The following STK39 variants were observed in gnomAD, a reference collection of about 807,000 sequenced individuals.
STK39 encodes the protein serine/threonine kinase 39.
Under a neutral mutation model 77.8 loss-of-function variants are expected in STK39, and 20 were observed. That is an observed-to-expected ratio of 0.26 (90% confidence interval 0.18 to 0.37). STK39 has a LOEUF of 0.37. STK39 is among the 10% of genes least tolerant of loss of function. STK39 has a pLI of 1.00. For synonymous variants in STK39, 246 were observed against 234.1 expected (o/e 1.05, Z -0.47); for missense variants, 479 against 656.5 (o/e 0.73, Z 2.95).
intron 2 of STK39, among the ~76,000 whole-genome samples, chr2:168,172,514 T>C (rs1688853797): frequency 6.6e-6 from 1 of 152,202 alleles, no homozygotes; most frequent in South Asian, 2.1e-4. Context: ...GAATAAGTTA[T>C]CTAAATAGAT....
At chr2:168,061,819 T>C (rs774052937) in intron 14 of STK39, among the ~76,000 whole-genome samples, 10 of 152,206 alleles carry the variant, frequency 6.6e-5, no homozygotes, top group Admixed American at 2.0e-4. Context: ...TTTGTCATAT[T>C]GCTCTAGCAC....
At position 167,974,880 on chromosome 2, in the gene STK39, T is replaced by C. The variant is rs113920189; in HGVS notation, c.1499-10154A>G. Among the ~76,000 whole-genome samples, 469 of 152,298 alleles carry C rather than the reference T, an allele frequency of 3.1e-3. 2 individuals carry two copies. Among genetic ancestry groups the C allele is most frequent in the African/African-American group, 0.011 (443 of 41,574 alleles). On this transcript the variant is annotated intron_variant, in intron 16 of 17. Coordinates refer to ENST00000355999, the MANE Select transcript of STK39 (RefSeq NM_013233.3). ...ATTCCTGGAATTTTAATGAAAAGAC[T>C]GACTGGGTTATAAAACTGCTAACTG...
At chr2:168,120,672 TAA>T (rs1319898341) in intron 10 of STK39, among the ~76,000 whole-genome samples, 1 of 152,196 alleles carries the variant, frequency 6.6e-6, no homozygotes, top group Non-Finnish European at 1.5e-5. Context: ...ATGTGATTAT[TAA>T]AAAATTTTGC....
chr2:168,204,094 C>T (rs532765529), intron 1 of STK39, among the ~76,000 whole-genome samples: 5 of 152,176 alleles, frequency 3.3e-5, no homozygotes, highest in African/African-American at 1.2e-4. Flanking sequence ...GTGAAAGGCA[C>T]CAGGTGCTAG....
rs560391434 is a variant in STK39, at chr2:168,234,711, T to TA, written c.208+12516dup. Among the ~76,000 whole-genome samples, 14 of 152,360 alleles carry TA rather than the reference T, an allele frequency of 9.2e-5. No individual in the cohort carries two copies. In the South Asian group the frequency reaches 2.9e-3, roughly 32 times the overall value. On this transcript the variant is annotated intron_variant, in intron 1 of 17. Coordinates refer to ENST00000355999, the MANE Select transcript of STK39 (RefSeq NM_013233.3). ...AATGAAGACATTGTATATTTACATATAACCTGGTTACATGTTACATAAACA... is the reference window on the plus strand; with the variant it reads ...AATGAAGACATTGTATATTTACATATAAACCTGGTTACATGTTACATAAACA...
chr2:168,142,930 C>CA (rs1688033404), intron 5 of STK39, among the ~76,000 whole-genome samples: 1 of 152,080 alleles, frequency 6.6e-6, no homozygotes, highest in Non-Finnish European at 1.5e-5. Flanking sequence ...GTTATATACA[C>CA]AAAAAATTGG....
chr2:168,231,715 G>T (rs964936604), intron 1 of STK39, among the ~76,000 whole-genome samples: 1 of 152,152 alleles, frequency 6.6e-6, no homozygotes, highest in Non-Finnish European at 1.5e-5. Flanking sequence ...CTCTGATACA[G>T]TGTGCCAGAG....
intron 14 of STK39, among the ~76,000 whole-genome samples, chr2:168,040,002 T>G (rs1184446961): frequency 1.3e-5 from 2 of 152,062 alleles, no homozygotes; most frequent in African/African-American, 4.8e-5. Flanking sequence ...TACCTCAGAC[T>G]CCCTACCCTA....
At chr2:168,231,203 A>G (rs958340781) in intron 1 of STK39, among the ~76,000 whole-genome samples, 4 of 152,220 alleles carry the variant, frequency 2.6e-5, no homozygotes, top group Non-Finnish European at 5.9e-5. Context: ...ACTTATTCCA[A>G]TACAAATACC....
chr2:168,034,625 G>A (rs988947317), intron 14 of STK39, among the ~76,000 whole-genome samples: 1 of 152,172 alleles, frequency 6.6e-6, no homozygotes, highest in African/African-American at 2.4e-5. Context: ...CTGGACTAAG[G>A]GATACCTGAA....
chr2:168,048,296 T>C (rs1363211458), intron 14 of STK39, among the ~76,000 whole-genome samples: 1 of 150,716 alleles, frequency 6.6e-6, no homozygotes, highest in African/African-American at 2.4e-5. Context: ...CACTGCAACC[T>C]CCGCCTCCCA....
At chr2:168,139,172 C>A (rs1687912622) in intron 7 of STK39, among the ~76,000 whole-genome samples, 1 of 152,008 alleles carries the variant, frequency 6.6e-6, no homozygotes, top group African/African-American at 2.4e-5. Flanking sequence ...CAGGCTGGGA[C>A]AAGCAAGTGC....
chr2:168,186,143 A>G (rs1224115496), intron 1 of STK39, among the ~76,000 whole-genome samples: 1 of 152,178 alleles, frequency 6.6e-6, no homozygotes, highest in Non-Finnish European at 1.5e-5. Context: ...TAGGATTAGT[A>G]TCCTTACAAA....
At chr2:168,069,594 A>G (rs1685886451) in intron 12 of STK39, among the ~76,000 whole-genome samples, 1 of 119,382 alleles carries the variant, frequency 8.4e-6, no homozygotes, top group Admixed American at 9.5e-5. Context: ...ATGGACATTT[A>G]AAACAAATCT....
chr2:168,110,590 C>A (rs896162415), intron 10 of STK39, among the ~76,000 whole-genome samples: 1 of 152,104 alleles, frequency 6.6e-6, no homozygotes. Context: ...TATTACTTAA[C>A]AGAATAGTTC....
At chr2:168,045,874 C>T (rs1387994878) in intron 14 of STK39, among the ~76,000 whole-genome samples, 1 of 152,044 alleles carries the variant, frequency 6.6e-6, no homozygotes, top group African/African-American at 2.4e-5. Context: ...GACAGGGAAC[C>T]CTCACGAGTT....
rs1691715433 is a variant in STK39, at chr2:167,954,546, T to C, written c.*950A>G. 1 of 152,590 alleles carries C rather than the reference T, an allele frequency of 6.6e-6. No homozygotes were observed. Among genetic ancestry groups the C allele is most frequent in the South Asian group, 2.1e-4 (1 of 4,828 alleles). The allele number at this position is 152,590 out of a possible 1,614,324, so 9.5% of individuals were successfully genotyped here. On this transcript the variant is annotated 3_prime_UTR_variant, in exon 18 of 18. Coordinates refer to ENST00000355999, the MANE Select transcript of STK39 (RefSeq NM_013233.3). ...CACTTAAGGAGAGCCAAATCAGAGATGGGTATATAGTTAGCAATCTAACAG... is the reference window on the plus strand; with the variant it reads ...CACTTAAGGAGAGCCAAATCAGAGACGGGTATATAGTTAGCAATCTAACAG...
At chr2:168,074,283 T>C (rs1686017361) in intron 12 of STK39, among the ~76,000 whole-genome samples, 2 of 152,276 alleles carry the variant, frequency 1.3e-5, no homozygotes, top group African/African-American at 4.8e-5. Context: ...TATTAAGGTA[T>C]ACATTAATTA....
At position 168,171,963 on chromosome 2, in the gene STK39, G is replaced by GGGCC. The variant is rs1688840496; in HGVS notation, c.322-4560_322-4557dup. Reference sequence around the variant, plus strand: ...TGATCCTCCAGGATCTACTACTGAAGGGCCGCACTCTATGTCACAGCTGGC... The same window carrying GGGCC: ...TGATCCTCCAGGATCTACTACTGAAGGGCCGGCCGCACTCTATGTCACAGCTGGC... On this transcript the variant is annotated intron_variant, in intron 2 of 17. Coordinates refer to ENST00000355999, the MANE Select transcript of STK39 (RefSeq NM_013233.3). 1.3e-5 allele frequency among the ~76,000 whole-genome samples: 2 copies of GGGCC among 148,248 alleles called. 1 individual carries two copies. Among genetic ancestry groups the GGGCC allele is most frequent in the Admixed American group, 1.4e-4 (2 of 14,256 alleles).
Sources: allele counts gnomAD v4.1 joint callset (sites outside exome capture counted in the v4.1 genomes callset), GRCh38; gene constraint gnomAD v4.1.1; transcripts MANE v1.5; gene names NCBI Gene and HGNC (gene_info 2026-07-23, HGNC 2026-07-21).